Variants in RREB1 observed in about 807,000 individuals in gnomAD.
The protein encoded by RREB1 is ras-responsive element-binding protein 1.
In RREB1, 27 loss-of-function variants were observed where a neutral mutation model predicts 117.8. The ratio of observed to expected loss-of-function variants is 0.23; its 90% CI spans 0.17 to 0.32. The LOEUF (loss-of-function observed/expected upper bound fraction) is 0.32, where lower values mean the gene tolerates loss of function less well. Ranked by LOEUF, RREB1 falls within the 10% of genes least tolerant of loss-of-function variation. The pLI is 1.00. For missense variants in RREB1, 2,577 were observed against 2,378.2 expected (o/e 1.08, Z -1.74); for synonymous variants, 1,298 against 1,026.7 (o/e 1.26, Z -5.05).
At chr6:7,191,607 A>G (rs945614450) in intron 6 of RREB1, among the ~76,000 whole-genome samples, 1 of 152,234 alleles carries the variant, frequency 6.6e-6, no homozygotes, top group Non-Finnish European at 1.5e-5. Flanking sequence ...ATCTATGAAC[A>G]TGGGATGTTT....
intron 1 of RREB1, among the ~76,000 whole-genome samples, chr6:7,125,005 C>G (rs1761847468): frequency 6.6e-6 from 1 of 152,190 alleles, no homozygotes; most frequent in Non-Finnish European, 1.5e-5. Context: ...CCTTGTGAGG[C>G]ACATCGAGGG....
Position 7,182,027 on chromosome 6 carries a change from G to A in RREB1, c.116G>A (p.Gly39Glu), listed in dbSNP as rs1379887296. 7 of 1,614,110 alleles carry A rather than the reference G, an allele frequency of 4.3e-6. No individual in the cohort carries two copies. The highest frequency in any genetic ancestry group is 5.1e-6 in the Non-Finnish European group (6 of 1,180,012). Residue 39 changes from glycine to glutamate, a missense_variant, in exon 4 of 13, where the codon GGG (glycine) becomes GAG (glutamate). By Grantham distance (98) the Gly-to-Glu change is moderately conservative (BLOSUM62 -2). Transcript: ENST00000379938. ...ACAGAGAATGGCGGGAGCCCCCAGG[G>A]GATCAAGTCCCCCTCGAAGCCTCCA... The part of the protein sequence containing the change: ...KVTENGGSPQ[G>E]IKSPSKPPGP...
intron 1 of RREB1, among the ~76,000 whole-genome samples, chr6:7,136,427 AAG>A (rs1762351607): frequency 6.6e-6 from 1 of 152,154 alleles, no homozygotes; most frequent in Non-Finnish European, 1.5e-5. Flanking sequence ...AGGATTTTGT[AAG>A]AGATGTTATT....
At chr6:7,134,306 C>T (rs1184684951) in intron 1 of RREB1, among the ~76,000 whole-genome samples, 1 of 152,166 alleles carries the variant, frequency 6.6e-6, no homozygotes, top group Non-Finnish European at 1.5e-5. Context: ...TTGAGCAGTT[C>T]AAAAAGTCCT....
chr6:7,242,701 G>GT (rs35632061), intron 11 of RREB1, among the ~76,000 whole-genome samples: 8 of 20,490 alleles, frequency 3.9e-4, no homozygotes, highest in African/African-American at 5.4e-4. Context: ...TTAAAAAAAA[G>GT]GGGGGGGGGG....
chr6:7,201,578 C>T (rs1030871201), intron 6 of RREB1, among the ~76,000 whole-genome samples: 7 of 134,084 alleles, frequency 5.2e-5, no homozygotes, highest in African/African-American at 1.7e-4. Context: ...ATTCATGACA[C>T]GGATCCTCAT....
intron 1 of RREB1, among the ~76,000 whole-genome samples, chr6:7,152,688 G>A (rs961099773): frequency 2.6e-5 from 4 of 152,198 alleles, no homozygotes; most frequent in Non-Finnish European, 4.4e-5. Flanking sequence ...AAGGCCAGGA[G>A]CAGCAGGGTC....
chr6:7,156,129 A>T (rs545358205), intron 1 of RREB1, among the ~76,000 whole-genome samples: 3 of 152,170 alleles, frequency 2.0e-5, no homozygotes, highest in Non-Finnish European at 4.4e-5. Flanking sequence ...ATTCACACTT[A>T]AGAGTCTAGA....
rs534324409 is a variant in RREB1, at chr6:7,231,359, C to T, written c.3260C>T (p.Ala1087Val). The T allele has an allele frequency of 1.1e-5, 17 of 1,612,778 alleles. No homozygotes were observed. Among genetic ancestry groups the T allele is most frequent in the Admixed American group, 5.0e-5 (3 of 59,960 alleles). The change falls in exon 10 of 13, where the codon GCG becomes GTG. Residue 1087 changes from alanine (A) to valine (V), a missense_variant. Transcript: ENST00000379938. ...SAPTLLKTKV[A>V]DPGPASTGSN... ...CCCACCCTGCTGAAAACCAAGGTGG[C>T]GGACCCAGGGCCCGCAAGCACTGGC...
At chr6:7,211,509 C>T (rs1258861088) in intron 7 of RREB1, 64 bp from the exon 8 acceptor site, 4 of 1,468,156 alleles carry the variant, frequency 2.7e-6, no homozygotes, top group East Asian at 2.3e-5. Flanking sequence ...TAGCATTGGC[C>T]TCTCTTCCGA....
rs370142868 is a variant in RREB1, at chr6:7,154,346, CATA to C, written c.-284-22307_-284-22305del. 1.3e-3 allele frequency among the ~76,000 whole-genome samples: 192 copies of C among 152,288 alleles called. 2 individuals carry two copies. The highest frequency in any genetic ancestry group is 4.2e-3 in the African/African-American group (176 of 41,558). On this transcript the variant is annotated intron_variant, in intron 1 of 12. Coordinates refer to ENST00000379938, the MANE Select transcript of RREB1 (RefSeq NM_001003699.4). ...GAGGTGGGGCCCAGAAATCTGTTAT[CATA>C]AGCTCTCCAGGTGCATACTAAAGTT...
chr6:7,164,802 C>T (rs1315392373), intron 1 of RREB1, among the ~76,000 whole-genome samples: 1 of 152,242 alleles, frequency 6.6e-6, no homozygotes, highest in Non-Finnish European at 1.5e-5. Flanking sequence ...CACGACCTGG[C>T]CTCGCTCCAA....
intron 1 of RREB1, among the ~76,000 whole-genome samples, chr6:7,174,581 C>G (rs1300492408): frequency 6.6e-6 from 1 of 152,146 alleles, no homozygotes; most frequent in Non-Finnish European, 1.5e-5. Flanking sequence ...ATTCTAGACA[C>G]TTGTTTAGAC....
chr6:7,128,177 T>C (rs989625843), intron 1 of RREB1, among the ~76,000 whole-genome samples: 1 of 152,120 alleles, frequency 6.6e-6, no homozygotes, highest in Non-Finnish European at 1.5e-5. Flanking sequence ...GTAAACTTGG[T>C]GGGTTGGACA....
intron 1 of RREB1, among the ~76,000 whole-genome samples, chr6:7,160,244 T>C (rs1188834662): frequency 6.6e-6 from 1 of 152,136 alleles, no homozygotes; most frequent in Non-Finnish European, 1.5e-5. Context: ...CACAGGGGTC[T>C]TGCTATATTG....
Position 7,246,978 on chromosome 6 carries a change from T to C in RREB1, c.4528T>C (p.Ser1510Pro). The change falls in exon 12 of 13, where the codon TCG becomes CCG. Residue 1510 changes from serine (S) to proline (P), a missense_variant. Physicochemically the swap from Ser to Pro is moderately conservative, Grantham distance 74. Coordinates refer to ENST00000379938, the MANE Select transcript of RREB1 (RefSeq NM_001003699.4). ...CGAGACCCCGGCAGAGGTGGTGGAG[T>C]CGGCCCCGGGTGCCGGGGAGGCCCC... ...PPETPAEVVE[S>P]APGAGEAPAE... The C allele has an allele frequency of 1.3e-6, 2 of 1,553,786 alleles. No homozygotes were observed. The highest frequency in any genetic ancestry group is 1.7e-6 in the Non-Finnish European group (2 of 1,152,754).
intron 10 of RREB1, among the ~76,000 whole-genome samples, chr6:7,232,114 G>A (rs374192404): frequency 3.3e-5 from 5 of 152,146 alleles, no homozygotes; most frequent in East Asian, 3.9e-4. Context: ...TGCAGGGGCC[G>A]AGCCCTCCAA....
intron 1 of RREB1, among the ~76,000 whole-genome samples, chr6:7,172,633 G>T (rs748235447): frequency 6.6e-6 from 1 of 152,056 alleles, no homozygotes; most frequent in Non-Finnish European, 1.5e-5. Flanking sequence ...CATGGTGTAG[G>T]GGCCTGCTCT....
intron 1 of RREB1, among the ~76,000 whole-genome samples, chr6:7,128,183 G>A (rs1018552648): frequency 4.6e-5 from 7 of 152,086 alleles, no homozygotes; most frequent in Non-Finnish European, 1.0e-4. Context: ...TTGGTGGGTT[G>A]GACAGAACAC....
Sources: allele counts gnomAD v4.1 joint callset (sites outside exome capture counted in the v4.1 genomes callset), GRCh38; gene constraint gnomAD v4.1.1; transcripts MANE v1.5; gene names NCBI Gene and HGNC (gene_info 2026-07-23, HGNC 2026-07-21).